Variants in SRPK2 observed in about 807,000 individuals in gnomAD.
SRPK2 encodes the protein SFRS protein kinase 2.
In SRPK2, 21 loss-of-function variants were observed where a neutral mutation model predicts 90.8. The observed-to-expected ratio is 0.23, with a 90% CI of 0.16 to 0.33. SRPK2 has a LOEUF of 0.33. Among genes scored for constraint, SRPK2 ranks in the 10% least tolerant of loss-of-function variants. SRPK2 has a pLI of 1.00. For synonymous variants in SRPK2, 288 were observed against 311.1 expected (o/e 0.93, Z 0.78); for missense variants, 620 against 869.0 (o/e 0.71, Z 3.60).
intron 2 of SRPK2, among the ~76,000 whole-genome samples, chr7:105,375,818 C>T (rs1253170778): frequency 2.6e-5 from 4 of 151,722 alleles, no homozygotes; most frequent in Non-Finnish European, 5.9e-5. Flanking sequence ...TGCAATATTC[C>T]AGAACGGTAT....
intron 3 of SRPK2, among the ~76,000 whole-genome samples, chr7:105,196,569 C>A (rs1261390759): frequency 3.9e-5 from 6 of 152,204 alleles, no homozygotes; most frequent in African/African-American, 1.4e-4. Flanking sequence ...CCCGTCACGG[C>A]AAGCAAATGT....
At chr7:105,362,211 C>A (rs1818503847) in intron 2 of SRPK2, among the ~76,000 whole-genome samples, 1 of 152,130 alleles carries the variant, frequency 6.6e-6, no homozygotes, top group African/African-American at 2.4e-5. Flanking sequence ...ATGCAGCCAA[C>A]AGACACATGA....
intron 2 of SRPK2, among the ~76,000 whole-genome samples, chr7:105,363,043 G>C (rs976945521): frequency 6.6e-6 from 1 of 152,014 alleles, no homozygotes; most frequent in Non-Finnish European, 1.5e-5. Context: ...GTCGTGGGGT[G>C]GGGGGAGAGG....
chr7:105,312,174 G>A (rs1470317213), intron 2 of SRPK2, among the ~76,000 whole-genome samples: 1 of 152,226 alleles, frequency 6.6e-6, no homozygotes, highest in Non-Finnish European at 1.5e-5. Context: ...GGGTGCAGTG[G>A]CTCACGCCTG....
intron 2 of SRPK2, among the ~76,000 whole-genome samples, chr7:105,376,004 T>TTC (rs1820240503): frequency 7.4e-6 from 1 of 134,390 alleles, no homozygotes; most frequent in Admixed American, 7.7e-5. Flanking sequence ...TTTTTTTTTT[T>TTC]TTTTTTTGAG....
chr7:105,336,293 A>G (rs902364417), intron 2 of SRPK2, among the ~76,000 whole-genome samples: 2 of 152,214 alleles, frequency 1.3e-5, no homozygotes, highest in African/African-American at 2.4e-5. Flanking sequence ...AAAAGTCTGT[A>G]AAGTTACCTC....
intron 2 of SRPK2, among the ~76,000 whole-genome samples, chr7:105,217,743 GA>G (rs991646488): frequency 2.0e-5 from 3 of 152,132 alleles, no homozygotes. Flanking sequence ...GCTAAAATGA[GA>G]AAAAAATGAG....
At chr7:105,357,105 G>C (rs554261368) in intron 2 of SRPK2, among the ~76,000 whole-genome samples, 1 of 150,078 alleles carries the variant, frequency 6.7e-6, no homozygotes, top group Non-Finnish European at 1.5e-5. Context: ...GTGCGATCTC[G>C]GCCTCACTGC....
chr7:105,233,837 G>A (rs932570314), intron 2 of SRPK2, among the ~76,000 whole-genome samples: 3 of 151,868 alleles, frequency 2.0e-5, no homozygotes, highest in Non-Finnish European at 4.4e-5. Flanking sequence ...CGGCGACACA[G>A]CAAGACTCCG....
At chr7:105,287,121 C>T (rs1444586418) in intron 2 of SRPK2, among the ~76,000 whole-genome samples, 1 of 150,736 alleles carries the variant, frequency 6.6e-6, no homozygotes, top group Non-Finnish European at 1.5e-5. Flanking sequence ...ATTAGCCGGG[C>T]GTAGTGGCGG....
At chr7:105,118,163 C>T (rs1421151484) in intron 15 of SRPK2, 141 bp from the exon 16 acceptor site, 1 of 754,804 alleles carries the variant, frequency 1.3e-6, no homozygotes, top group Non-Finnish European at 2.1e-6. Context: ...ACCAGCTTTT[C>T]CCCACTAAGC....
intron 7 of SRPK2, among the ~76,000 whole-genome samples, chr7:105,150,539 A>T (rs1288542655): frequency 6.6e-6 from 1 of 152,222 alleles, no homozygotes; most frequent in Non-Finnish European, 1.5e-5. Flanking sequence ...AAAAAAGCAA[A>T]TAAAATGTCA....
intron 2 of SRPK2, among the ~76,000 whole-genome samples, chr7:105,341,500 C>T (rs540438064): frequency 6.6e-6 from 1 of 152,092 alleles, no homozygotes; most frequent in East Asian, 1.9e-4. Flanking sequence ...TAGCACAACC[C>T]CATCTCTACT....
At chr7:105,245,458 C>A (rs1253305415) in intron 2 of SRPK2, among the ~76,000 whole-genome samples, 1 of 152,108 alleles carries the variant, frequency 6.6e-6, no homozygotes, top group African/African-American at 2.4e-5. Context: ...CTGTTTTAAG[C>A]TATATTAATG....
chr7:105,330,350 T>A (rs1323683979), intron 2 of SRPK2, among the ~76,000 whole-genome samples: 2 of 149,728 alleles, frequency 1.3e-5, no homozygotes, highest in Non-Finnish European at 3.0e-5. Context: ...AATAAATAAA[T>A]AAATAAAAAT....
chr7:105,230,359 T>G (rs1799272505), intron 2 of SRPK2, among the ~76,000 whole-genome samples: 1 of 152,076 alleles, frequency 6.6e-6, no homozygotes, highest in African/African-American at 2.4e-5. Context: ...TCCAATATAA[T>G]GAATGTAGCT....
intron 2 of SRPK2, among the ~76,000 whole-genome samples, chr7:105,364,856 C>T (rs1469292629): frequency 1.3e-5 from 2 of 152,110 alleles, no homozygotes; most frequent in Non-Finnish European, 2.9e-5. Flanking sequence ...CTTTAAAAGG[C>T]AATCTCTCAC....
upstream of SRPK2, among the ~76,000 whole-genome samples, chr7:105,390,521 C>T (rs183409054): frequency 0.012 from 1,778 of 151,968 alleles, 30 homozygotes; most frequent in African/African-American, 0.041. Flanking sequence ...CTCAGCCTCC[C>T]GGGTCCAAGC....
intron 2 of SRPK2, among the ~76,000 whole-genome samples, chr7:105,217,930 C>T (rs1797658152): frequency 1.3e-5 from 2 of 152,126 alleles, no homozygotes; most frequent in African/African-American, 4.8e-5. Context: ...ATAGCAAAAA[C>T]AAAACATGTG....
Sources: gnomAD v4.1 joint callset for allele counts (sites outside exome capture counted in the v4.1 genomes callset) on GRCh38, gnomAD v4.1.1 for gene constraint, MANE v1.5 for transcripts, NCBI Gene and HGNC (gene_info 2026-07-23, HGNC 2026-07-21) for gene names.